The following MCOLN2 variants were observed in gnomAD, a reference collection of about 807,000 sequenced individuals.
MCOLN2 encodes the protein mucolipin-2.
A neutral mutation model predicts 67.5 loss-of-function variants in MCOLN2; 57 were observed. The ratio of observed to expected loss-of-function variants is 0.84; its 90% CI spans 0.68 to 1.05. The LOEUF is 1.05. Ranked by LOEUF, MCOLN2 falls within the 50% of genes least tolerant of loss-of-function variation. MCOLN2 has a pLI of 0.00. For synonymous variants in MCOLN2, 246 were observed against 233.3 expected (o/e 1.05, Z -0.50); for missense variants, 620 against 678.8 (o/e 0.91, Z 0.96).
At chr1:84,970,912 T>C (rs963961956) in intron 1 of MCOLN2, among the ~76,000 whole-genome samples, 3 of 152,222 alleles carry the variant, frequency 2.0e-5, no homozygotes, top group Non-Finnish European at 4.4e-5. Flanking sequence ...TTTGACTGAG[T>C]GGCCATTAAG....
intron 1 of MCOLN2, among the ~76,000 whole-genome samples, chr1:84,971,504 A>ACACACAC (rs1380254911): frequency 1.0e-4 from 5 of 49,636 alleles, no homozygotes; most frequent in Non-Finnish European, 2.0e-4. Context: ...AGACATACAC[A>ACACACAC]CACACACACA....
chr1:84,927,812 G>T lies in MCOLN2; in HGVS notation c.1665-1091C>A, dbSNP rs191832834. Among the ~76,000 whole-genome samples the T allele has an allele frequency of 1.3e-3, 191 of 152,274 alleles. 1 individual carries two copies. The highest frequency in any genetic ancestry group is 4.4e-3 in the African/African-American group (182 of 41,542). Reference sequence around the variant, plus strand: ...TTTATTTTATTTTTTAAGAGGCGGGGTCTCACTACATTGCCCACGCTGATC... The same window carrying T: ...TTTATTTTATTTTTTAAGAGGCGGGTTCTCACTACATTGCCCACGCTGATC... On this transcript the variant is annotated intron_variant, in intron 13 of 13. Coordinates refer to ENST00000370608, the MANE Select transcript of MCOLN2 (RefSeq NM_153259.4).
At chr1:84,933,977 T>C (rs527725043) in intron 11 of MCOLN2, among the ~76,000 whole-genome samples, 1 of 152,222 alleles carries the variant, frequency 6.6e-6, no homozygotes, top group Non-Finnish European at 1.5e-5. Flanking sequence ...GAAGTGGCTG[T>C]GAACCAGAGT....
chr1:84,993,303 C>G (rs1295575954), intron 1 of MCOLN2, among the ~76,000 whole-genome samples: 4 of 152,218 alleles, frequency 2.6e-5, no homozygotes, highest in African/African-American at 9.7e-5. Flanking sequence ...CTGTGGTTAG[C>G]AGATCGCTGC....
chr1:84,932,332 C>T (rs1260625916), intron 11 of MCOLN2, among the ~76,000 whole-genome samples: 1 of 152,098 alleles, frequency 6.6e-6, no homozygotes, highest in Non-Finnish European at 1.5e-5. Flanking sequence ...ATGTGTCGGC[C>T]TCCCAAATAG....
intron 1 of MCOLN2, among the ~76,000 whole-genome samples, chr1:84,995,667 A>G (rs1375336705): frequency 1.3e-5 from 2 of 152,222 alleles, no homozygotes; most frequent in African/African-American, 4.8e-5. Flanking sequence ...TGACAGAGAC[A>G]TAGCCAAAGA....
chr1:84,984,975 C>A (rs1228258987), intron 1 of MCOLN2, among the ~76,000 whole-genome samples: 1 of 151,994 alleles, frequency 6.6e-6, no homozygotes, highest in Non-Finnish European at 1.5e-5. Flanking sequence ...CAGTCTGCAA[C>A]AGAGCAAGAC....
chr1:84,936,157 G>T (rs140386508), intron 11 of MCOLN2, among the ~76,000 whole-genome samples: 1 of 152,192 alleles, frequency 6.6e-6, no homozygotes, highest in African/African-American at 2.4e-5. Context: ...GAGAAGGGGA[G>T]GGAAGGGTTA....
intron 2 of MCOLN2, among the ~76,000 whole-genome samples, chr1:84,960,660 T>G (rs1649038379): frequency 6.6e-6 from 1 of 152,236 alleles, no homozygotes. Flanking sequence ...CTTCTAAGCA[T>G]GTGATGTCTG....
intron 1 of MCOLN2, among the ~76,000 whole-genome samples, chr1:84,996,362 GAC>G (rs1218171081): frequency 7.3e-6 from 1 of 136,228 alleles, no homozygotes; most frequent in African/African-American, 2.8e-5. Flanking sequence ...TTCAACCAGA[GAC>G]ACACACACTT....
At chr1:84,964,578 G>A (rs1476595229) in intron 2 of MCOLN2, among the ~76,000 whole-genome samples, 2 of 151,940 alleles carry the variant, frequency 1.3e-5, no homozygotes, top group African/African-American at 4.8e-5. Flanking sequence ...TACACTAGTT[G>A]TGCATTTTAT....
Position 84,952,243 on chromosome 1 carries a change from C to T in MCOLN2, c.747G>A (p.Thr249=), listed in dbSNP as rs1377342424. The T allele has an allele frequency of 5.0e-6, 8 of 1,599,154 alleles. No individual in the cohort carries two copies. Among genetic ancestry groups the T allele is most frequent in the African/African-American group, 2.7e-5 (2 of 74,134 alleles). Residue 249 remains threonine (T), a splice_region_variant and synonymous_variant, in exon 6 of 14, where the codon ACG becomes ACA. Coordinates refer to ENST00000370608, the MANE Select transcript of MCOLN2 (RefSeq NM_153259.4). ...TAGCTAGTAAAACAAAGATACTTGC[C>T]GTATTCTGAAAGACATAACAGTCTG... ...ELPDCYVFQN[T]IIFDNKAHSG... is the part of the protein sequence containing the mutation.
intron 6 of MCOLN2, among the ~76,000 whole-genome samples, chr1:84,950,841 A>G (rs1648388011): frequency 6.6e-6 from 1 of 152,092 alleles, no homozygotes; most frequent in South Asian, 2.1e-4. Flanking sequence ...TTATGATTAA[A>G]CCTCCATTAG....
At chr1:84,950,701 G>A (rs971410628) in intron 6 of MCOLN2, among the ~76,000 whole-genome samples, 11 of 152,104 alleles carry the variant, frequency 7.2e-5, no homozygotes, top group African/African-American at 2.2e-4. Context: ...TTGGAGAGCC[G>A]GATATGTAGG....
intron 1 of MCOLN2, among the ~76,000 whole-genome samples, chr1:84,979,523 T>C (rs1476471299): frequency 6.6e-6 from 1 of 152,140 alleles, no homozygotes; most frequent in Non-Finnish European, 1.5e-5. Context: ...GTTCAACATA[T>C]GCAAATCAAT....
At chr1:84,968,478 G>T (rs1649491233) in intron 1 of MCOLN2, among the ~76,000 whole-genome samples, 1 of 152,116 alleles carries the variant, frequency 6.6e-6, no homozygotes, top group Admixed American at 6.6e-5. Context: ...AGCACATGAG[G>T]AAACCAAGTG....
At chr1:84,951,681 AT>A (rs561343773) in intron 6 of MCOLN2, among the ~76,000 whole-genome samples, 32 of 152,210 alleles carry the variant, frequency 2.1e-4, no homozygotes, top group Non-Finnish European at 2.9e-4. Flanking sequence ...GTCAAAGCCA[AT>A]TTTTTAAACT....
intron 1 of MCOLN2, 52 bp from the exon 2 acceptor site, chr1:84,965,760 C>T (rs866355254): frequency 1.4e-5 from 22 of 1,543,518 alleles, no homozygotes; most frequent in Middle Eastern, 1.8e-4. Context: ...CCCTCAGTTC[C>T]TTTTGAAGTA....
chr1:84,963,666 T>C (rs970832276), intron 2 of MCOLN2, among the ~76,000 whole-genome samples: 2 of 152,090 alleles, frequency 1.3e-5, no homozygotes, highest in African/African-American at 4.8e-5. Flanking sequence ...TGTTTAAAAG[T>C]GTGTATCACC....
Sources: allele counts gnomAD v4.1 joint callset (sites outside exome capture counted in the v4.1 genomes callset), GRCh38; gene constraint gnomAD v4.1.1; transcripts MANE v1.5; gene names NCBI Gene and HGNC (gene_info 2026-07-23, HGNC 2026-07-21).